Variants in NKAIN3 observed in about 807,000 individuals in gnomAD.
NKAIN3 encodes sodium/potassium transporting ATPase interacting 3, also known as sodium/potassium-transporting ATPase subunit beta-1-interacting protein 3.
In NKAIN3, 25 loss-of-function variants were observed where a neutral mutation model predicts 30.2. That is an observed-to-expected ratio of 0.83 (90% CI 0.60 to 1.16). NKAIN3 has a LOEUF of 1.16. Ranked by LOEUF, NKAIN3 falls within the 50% of genes most tolerant of loss-of-function variation. The pLI, the probability that NKAIN3 is intolerant of heterozygous loss-of-function variation, is 0.00. For missense variants in NKAIN3, 225 were observed against 254.1 expected (o/e 0.89, Z 0.78); for synonymous variants, 91 against 89.6 (o/e 1.02, Z -0.09).
chr8:62,868,959 A>G (rs1820506550), intron 4 of NKAIN3, among the ~76,000 whole-genome samples: 1 of 151,966 alleles, frequency 6.6e-6, no homozygotes, highest in Non-Finnish European at 1.5e-5. Flanking sequence ...AAAGGATTAG[A>G]TCTTTTCTCC....
At chr8:62,631,458 T>C (rs1345377216) in intron 3 of NKAIN3, among the ~76,000 whole-genome samples, 2 of 152,194 alleles carry the variant, frequency 1.3e-5, no homozygotes, top group Non-Finnish European at 2.9e-5. Context: ...GATGTCAGAA[T>C]AATTTTCCTG....
chr8:62,879,339 G>A (rs570344770), intron 4 of NKAIN3, among the ~76,000 whole-genome samples: 16 of 152,230 alleles, frequency 1.1e-4, no homozygotes, highest in Non-Finnish European at 1.6e-4. Flanking sequence ...CATATCCTTT[G>A]CCCAGTTTTT....
chr8:62,574,694 C>G (rs1330190267), intron 1 of NKAIN3, among the ~76,000 whole-genome samples: 2 of 152,036 alleles, frequency 1.3e-5, no homozygotes, highest in Non-Finnish European at 2.9e-5. Context: ...TTCTCTACAC[C>G]CTTGCCAGCA....
At chr8:62,268,521 A>C (rs1156839903) in intron 1 of NKAIN3, among the ~76,000 whole-genome samples, 80 of 152,152 alleles carry the variant, frequency 5.3e-4, no homozygotes, top group Non-Finnish European at 4.4e-5. Flanking sequence ...CAAAGACCTA[A>C]AATTATCAGA....
intron 3 of NKAIN3, among the ~76,000 whole-genome samples, chr8:62,642,212 T>C (rs796615142): frequency 1.3e-5 from 2 of 152,118 alleles, no homozygotes; most frequent in Non-Finnish European, 2.9e-5. Context: ...TAGAAACCAG[T>C]TTGTCACTGG....
intron 3 of NKAIN3, among the ~76,000 whole-genome samples, chr8:62,686,824 A>G (rs1813813393): frequency 6.6e-6 from 1 of 152,228 alleles, no homozygotes; most frequent in South Asian, 2.1e-4. Flanking sequence ...GAACATTATA[A>G]ATATATTAAG....
chr8:62,662,440 C>T (rs972163449), intron 3 of NKAIN3, among the ~76,000 whole-genome samples: 1 of 152,224 alleles, frequency 6.6e-6, no homozygotes, highest in Non-Finnish European at 1.5e-5. Flanking sequence ...AATAATCCAT[C>T]CATGACTGAC....
intron 1 of NKAIN3, among the ~76,000 whole-genome samples, chr8:62,264,389 T>C (rs1021028110): frequency 6.6e-6 from 1 of 152,186 alleles, no homozygotes; most frequent in Non-Finnish European, 1.5e-5. Context: ...TTGGTATCCA[T>C]TAAAACATTA....
intron 1 of NKAIN3, among the ~76,000 whole-genome samples, chr8:62,546,491 A>G (rs190810368): frequency 2.7e-3 from 408 of 152,304 alleles, no homozygotes; most frequent in African/African-American, 8.4e-3. Flanking sequence ...TTGTTTCTAA[A>G]TAACAAAGCA....
chr8:62,313,337 A>T (rs2129588811), intron 1 of NKAIN3, among the ~76,000 whole-genome samples: 1 of 152,286 alleles, frequency 6.6e-6, no homozygotes, highest in East Asian at 1.9e-4. Context: ...TCATTTAAAC[A>T]ATGAAAGTTG....
intron 1 of NKAIN3, among the ~76,000 whole-genome samples, chr8:62,278,769 A>G (rs185660242): frequency 2.0e-5 from 3 of 152,290 alleles, no homozygotes; most frequent in Admixed American, 2.0e-4. Flanking sequence ...TTCTTAATCC[A>G]GTCTATCATT....
intron 1 of NKAIN3, among the ~76,000 whole-genome samples, chr8:62,399,263 C>T (rs193207779): frequency 1.4e-3 from 206 of 152,236 alleles, no homozygotes; most frequent in African/African-American, 4.7e-3. Context: ...CTCAGCACTT[C>T]GGGAGGCCGA....
At chr8:62,565,328 A>G (rs892155008) in intron 1 of NKAIN3, among the ~76,000 whole-genome samples, 18 of 151,514 alleles carry the variant, frequency 1.2e-4, no homozygotes, top group African/African-American at 4.4e-4. Flanking sequence ...ACCAATATAT[A>G]TGTATGTGCA....
intron 4 of NKAIN3, among the ~76,000 whole-genome samples, chr8:62,781,699 A>AG (rs1253463565): frequency 6.6e-6 from 1 of 151,798 alleles, no homozygotes; most frequent in African/African-American, 2.4e-5. Flanking sequence ...TTCAAAAAAA[A>AG]AGAAACTAGA....
intron 1 of NKAIN3, among the ~76,000 whole-genome samples, chr8:62,564,047 C>G (rs925119439): frequency 1.3e-5 from 2 of 152,136 alleles, no homozygotes; most frequent in Admixed American, 1.3e-4. Context: ...CTGTGTAAGA[C>G]CTTCCATAGG....
chr8:62,884,886 G>T (rs1821096504), intron 4 of NKAIN3, among the ~76,000 whole-genome samples: 1 of 151,690 alleles, frequency 6.6e-6, no homozygotes, highest in Non-Finnish European at 1.5e-5. Flanking sequence ...CTGGCTACAG[G>T]TGTATCAATG....
intron 3 of NKAIN3, among the ~76,000 whole-genome samples, chr8:62,724,635 G>C (rs973554192): frequency 6.6e-6 from 1 of 151,972 alleles, no homozygotes; most frequent in Non-Finnish European, 1.5e-5. Flanking sequence ...TGTGAAATTT[G>C]TCTTTTTGTG....
chr8:62,456,028 T>G (rs1369999734), intron 1 of NKAIN3, among the ~76,000 whole-genome samples: 1 of 152,198 alleles, frequency 6.6e-6, no homozygotes, highest in Admixed American at 6.5e-5. Flanking sequence ...AAAGGATGAT[T>G]CATGTCTCCA....
At chr8:62,756,654 G>A (rs892472452) in intron 4 of NKAIN3, among the ~76,000 whole-genome samples, 2 of 152,156 alleles carry the variant, frequency 1.3e-5, no homozygotes, top group African/African-American at 4.8e-5. Context: ...TTACACGGAT[G>A]CCTGGTCTTA....
Sources: allele counts gnomAD v4.1 joint callset (sites outside exome capture counted in the v4.1 genomes callset), GRCh38; gene constraint gnomAD v4.1.1; transcripts MANE v1.5; gene names NCBI Gene and HGNC (gene_info 2026-07-23, HGNC 2026-07-21).